The following LSAMP variants were observed in gnomAD, a reference collection of about 807,000 sequenced individuals.
The protein encoded by LSAMP is limbic system-associated membrane protein.
LSAMP carries 7 observed loss-of-function variants against 38.6 expected under a neutral mutation model. The observed-to-expected ratio is 0.18, with a 90% CI of 0.10 to 0.34. The LOEUF is 0.34. LSAMP is among the 10% of genes least tolerant of loss of function. The probability of loss-of-function intolerance (pLI) is 1.00; values close to 1 mark genes in which losing one functional copy is unlikely to be tolerated. For missense variants in LSAMP, 313 were observed against 420.0 expected (o/e 0.75, Z 2.23); for synonymous variants, 154 against 166.8 (o/e 0.92, Z 0.59).
chr3:116,144,167 A>C (rs1197253036), intron 1 of LSAMP, among the ~76,000 whole-genome samples: 4 of 151,948 alleles, frequency 2.6e-5, no homozygotes, highest in Non-Finnish European at 5.9e-5. Flanking sequence ...TCTTGAAAAG[A>C]ATATATATTT....
At chr3:116,244,717 CA>C (rs1202553050) in intron 1 of LSAMP, among the ~76,000 whole-genome samples, 4 of 152,150 alleles carry the variant, frequency 2.6e-5, no homozygotes, top group Admixed American at 1.3e-4. Context: ...AAACAAACTC[CA>C]AAAACATCAG....
At chr3:116,413,472 G>T (rs566376153) in intron 1 of LSAMP, among the ~76,000 whole-genome samples, 1 of 151,854 alleles carries the variant, frequency 6.6e-6, no homozygotes, top group Non-Finnish European at 1.5e-5. Context: ...ATGCTCAAAG[G>T]CTCTCCCCGT....
rs535301411 is a variant in LSAMP, at chr3:115,824,174, T to C, written c.920-13760A>G. On this transcript the variant is annotated intron_variant, in intron 6 of 6. Transcript: ENST00000490035. ...GTTTAATAAAGGGGTTTCTCTGGGC[T>C]ATGCCACCTGAAAATATGTGTAAGA... 2.0e-5 allele frequency among the ~76,000 whole-genome samples: 3 copies of C among 152,350 alleles called. No homozygotes were observed. In the East Asian group the frequency reaches 5.8e-4, roughly 29 times the overall value.
chr3:116,263,959 G>A (rs1430876814), intron 1 of LSAMP, among the ~76,000 whole-genome samples: 1 of 152,124 alleles, frequency 6.6e-6, no homozygotes, highest in Non-Finnish European at 1.5e-5. Context: ...ACTGAGAGTG[G>A]AGAAAAGTAC....
At chr3:116,395,372 G>T (rs2048755454) in intron 1 of LSAMP, among the ~76,000 whole-genome samples, 1 of 152,164 alleles carries the variant, frequency 6.6e-6, no homozygotes, top group South Asian at 2.1e-4. Flanking sequence ...TTACCAATGA[G>T]TTTGTTTCAA....
chr3:116,296,621 G>GGA (rs1198440381), intron 1 of LSAMP, among the ~76,000 whole-genome samples: 4 of 149,644 alleles, frequency 2.7e-5, no homozygotes, highest in African/African-American at 1.0e-4. Context: ...CGTTAACCCG[G>GGA]GAGGCAGAGC....
intron 1 of LSAMP, among the ~76,000 whole-genome samples, chr3:116,317,637 G>A (rs2047650127): frequency 6.6e-6 from 1 of 151,878 alleles, no homozygotes; most frequent in Non-Finnish European, 1.5e-5. Flanking sequence ...TTACAGGCGT[G>A]AGCCCCCGCG....
At chr3:115,827,619 G>A (rs1476800048) in intron 6 of LSAMP, among the ~76,000 whole-genome samples, 2 of 152,126 alleles carry the variant, frequency 1.3e-5, no homozygotes, top group Non-Finnish European at 2.9e-5. Flanking sequence ...AGTGATAAGC[G>A]AAACTATAGA....
At chr3:116,095,013 T>A (rs1197917354) in intron 1 of LSAMP, among the ~76,000 whole-genome samples, 1 of 152,188 alleles carries the variant, frequency 6.6e-6, no homozygotes, top group Non-Finnish European at 1.5e-5. Flanking sequence ...AAAACAGTCA[T>A]ATAAGAGAGA....
intron 1 of LSAMP, among the ~76,000 whole-genome samples, chr3:116,224,001 A>G (rs2107619813): frequency 6.6e-6 from 1 of 151,998 alleles, no homozygotes; most frequent in Non-Finnish European, 1.5e-5. Flanking sequence ...TCTCTTTCTA[A>G]TGAACTTTCT....
intron 3 of LSAMP, among the ~76,000 whole-genome samples, chr3:115,889,206 A>G (rs1318167813): frequency 6.6e-6 from 1 of 151,946 alleles, no homozygotes; most frequent in African/African-American, 2.4e-5. Context: ...AAAACTGGAT[A>G]TGAATGAAGT....
intron 3 of LSAMP, among the ~76,000 whole-genome samples, chr3:115,943,603 G>A (rs1311856057): frequency 6.6e-6 from 1 of 152,168 alleles, no homozygotes; most frequent in Non-Finnish European, 1.5e-5. Context: ...GAGTTTTCCT[G>A]TAACTAGGAG....
At chr3:116,435,250 G>A (rs1222286734) in intron 1 of LSAMP, among the ~76,000 whole-genome samples, 2 of 152,070 alleles carry the variant, frequency 1.3e-5, no homozygotes, top group Admixed American at 1.3e-4. Flanking sequence ...CCTTAACTAG[G>A]TTACCCATCT....
chr3:116,020,693 G>A (rs1172265859), intron 2 of LSAMP, among the ~76,000 whole-genome samples: 2 of 152,272 alleles, frequency 1.3e-5, no homozygotes, highest in Admixed American at 1.3e-4. Context: ...ATCACACGTC[G>A]GTAGGCTTAA....
chr3:116,093,664 T>C (rs887497415), intron 1 of LSAMP, among the ~76,000 whole-genome samples: 1 of 152,182 alleles, frequency 6.6e-6, no homozygotes, highest in African/African-American at 2.4e-5. Context: ...AGGAGAATCA[T>C]TTGGAGAAAA....
chr3:115,917,472 C>T (rs557125702), intron 3 of LSAMP, among the ~76,000 whole-genome samples: 40 of 152,228 alleles, frequency 2.6e-4, no homozygotes, highest in South Asian at 1.5e-3. Context: ...TGATTCCTTC[C>T]GGATACTTTT....
At chr3:115,985,001 C>G (rs1939468692) in intron 3 of LSAMP, among the ~76,000 whole-genome samples, 1 of 152,088 alleles carries the variant, frequency 6.6e-6, no homozygotes, top group Admixed American at 6.6e-5. Context: ...AGGCTAGGGT[C>G]AGATTGTAAA....
intron 1 of LSAMP, among the ~76,000 whole-genome samples, chr3:116,354,852 T>A (rs1440941645): frequency 1.4e-5 from 2 of 147,338 alleles, no homozygotes; most frequent in East Asian, 3.9e-4. Context: ...TATATGTGTG[T>A]GTGTGTGTGT....
intron 1 of LSAMP, among the ~76,000 whole-genome samples, chr3:116,406,569 A>T (rs1273409150): frequency 6.6e-6 from 1 of 152,002 alleles, no homozygotes; most frequent in Non-Finnish European, 1.5e-5. Context: ...ACTTCCACTT[A>T]AACCTCACAA....
Sources: gnomAD v4.1 joint callset for allele counts (sites outside exome capture counted in the v4.1 genomes callset) on GRCh38, gnomAD v4.1.1 for gene constraint, MANE v1.5 for transcripts, NCBI Gene and HGNC (gene_info 2026-07-23, HGNC 2026-07-21) for gene names.